GRM8: variants seen among roughly 807,000 people sequenced by gnomAD.
GRM8 encodes glutamate metabotropic receptor 8.
GRM8 carries 47 observed loss-of-function variants against 87.2 expected under a neutral mutation model. The ratio of observed to expected loss-of-function variants is 0.54; its 90% confidence interval spans 0.43 to 0.69. The LOEUF (loss-of-function observed/expected upper bound fraction) is 0.69, where lower values mean the gene tolerates loss of function less well. Ranked by LOEUF, GRM8 falls within the 30% of genes least tolerant of loss-of-function variation. The probability of loss-of-function intolerance (pLI) is 0.00; values close to 1 mark genes in which losing one functional copy is unlikely to be tolerated. For synonymous variants in GRM8, 396 were observed against 404.5 expected (o/e 0.98, Z 0.25); for missense variants, 1,019 against 1,139.2 (o/e 0.89, Z 1.52).
rs1807615919 is a variant in GRM8, at chr7:126,681,738, A to T, written c.1358-72240T>A. On this transcript the variant is annotated intron_variant, in intron 7 of 10. Coordinates refer to ENST00000339582, the MANE Select transcript of GRM8 (RefSeq NM_000845.3). ...GCTTTAAGAGGCAGACACAAGAAGG[A>T]TCCTTTTCAGTTGATAAATTCAAGA... Among the ~76,000 whole-genome samples, 3 of 152,342 alleles carry T rather than the reference A, an allele frequency of 2.0e-5. No individual in the cohort carries two copies. The South Asian group carries it at 6.2e-4, about 32-fold the overall frequency.
intron 8 of GRM8, among the ~76,000 whole-genome samples, chr7:126,585,907 G>A (rs192718233): frequency 1.3e-3 from 199 of 152,266 alleles, no homozygotes; most frequent in Middle Eastern, 3.4e-3. Flanking sequence ...GTTTGTAGAT[G>A]ACATGATTGT....
intron 2 of GRM8, among the ~76,000 whole-genome samples, chr7:127,222,620 A>G (rs1797009384): frequency 6.6e-6 from 1 of 152,212 alleles, no homozygotes; most frequent in South Asian, 2.1e-4. Context: ...TTTCTTTCAC[A>G]GCAGAGATCA....
intron 3 of GRM8, 49 bp from the exon 4 acceptor site, chr7:126,904,732 A>G (rs747640406): frequency 3.6e-5 from 56 of 1,561,034 alleles, no homozygotes; most frequent in Non-Finnish European, 4.8e-5. Flanking sequence ...CATTTATTTA[A>G]TTAGCAAACC....
intron 3 of GRM8, among the ~76,000 whole-genome samples, chr7:127,020,388 T>C (rs574464427): frequency 6.6e-6 from 1 of 152,138 alleles, no homozygotes; most frequent in African/African-American, 2.4e-5. Flanking sequence ...TTCACAGCTG[T>C]CCATCTCCCT....
intron 7 of GRM8, among the ~76,000 whole-genome samples, chr7:126,688,107 G>T (rs1355000156): frequency 6.6e-6 from 1 of 152,124 alleles, no homozygotes; most frequent in East Asian, 1.9e-4. Flanking sequence ...CTGTCTGAAT[G>T]CCCATAAAAT....
chr7:127,238,725 C>A (rs1798126248), intron 2 of GRM8, among the ~76,000 whole-genome samples: 1 of 152,200 alleles, frequency 6.6e-6, no homozygotes, highest in Non-Finnish European at 1.5e-5. Context: ...TAAAGAGGCC[C>A]ATTTTTTTCA....
At chr7:126,482,338 T>TCC (rs1232002092) in intron 9 of GRM8, among the ~76,000 whole-genome samples, 2 of 152,020 alleles carry the variant, frequency 1.3e-5, no homozygotes, top group Admixed American at 1.3e-4. Context: ...GTCTTGAGGA[T>TCC]ATATTTGTAT....
intron 7 of GRM8, among the ~76,000 whole-genome samples, chr7:126,749,590 A>C (rs1361296781): frequency 6.6e-6 from 1 of 150,570 alleles, no homozygotes; most frequent in Non-Finnish European, 1.5e-5. Context: ...TTAATTAATA[A>C]AGGTCTGATT....
chr7:126,767,041 G>T (rs150311428), intron 7 of GRM8, among the ~76,000 whole-genome samples: 108 of 152,252 alleles, frequency 7.1e-4, no homozygotes, highest in African/African-American at 2.5e-3. Flanking sequence ...CCAGTAAGCA[G>T]GACTAAGGAA....
At chr7:127,077,863 G>A (rs1360501277) in intron 3 of GRM8, among the ~76,000 whole-genome samples, 1 of 152,136 alleles carries the variant, frequency 6.6e-6, no homozygotes, top group African/African-American at 2.4e-5. Context: ...TCAACTGGAG[G>A]GGATTTTGTT....
chr7:127,195,226 T>G (rs1795222308), intron 2 of GRM8, among the ~76,000 whole-genome samples: 1 of 152,220 alleles, frequency 6.6e-6, no homozygotes, highest in African/African-American at 2.4e-5. Context: ...CTATTACTAT[T>G]TTAATGTAGA....
At chr7:126,877,479 A>G (rs892120227) in intron 6 of GRM8, among the ~76,000 whole-genome samples, 15 of 152,340 alleles carry the variant, frequency 9.8e-5, no homozygotes, top group Middle Eastern at 3.4e-3. Context: ...TGGCTACCAT[A>G]TTGGACAGAA....
chr7:126,637,577 GA>G (rs1185309968), intron 7 of GRM8, among the ~76,000 whole-genome samples: 2 of 152,148 alleles, frequency 1.3e-5, no homozygotes, highest in Non-Finnish European at 2.9e-5. Flanking sequence ...TTGCTCTGTT[GA>G]AAGATACTTA....
At chr7:127,037,826 C>T (rs1007700861) in intron 3 of GRM8, among the ~76,000 whole-genome samples, 9 of 132,620 alleles carry the variant, frequency 6.8e-5, no homozygotes, top group South Asian at 2.4e-4. Flanking sequence ...CACGTGCATG[C>T]GCATCCGTGT....
At chr7:127,133,131 T>C (rs1299254687) in intron 2 of GRM8, among the ~76,000 whole-genome samples, 1 of 150,836 alleles carries the variant, frequency 6.6e-6, no homozygotes, top group Non-Finnish European at 1.5e-5. Context: ...CATAAGACCC[T>C]GTCTCGGGCC....
chr7:126,795,174 A>T (rs1051023327), intron 6 of GRM8, among the ~76,000 whole-genome samples: 7 of 152,156 alleles, frequency 4.6e-5, no homozygotes. Context: ...TTTTTGAGTC[A>T]ACTGGACAGT....
intron 7 of GRM8, among the ~76,000 whole-genome samples, chr7:126,644,409 T>C (rs548545380): frequency 1.3e-5 from 2 of 152,204 alleles, no homozygotes; most frequent in Non-Finnish European, 2.9e-5. Context: ...TAAATATGTC[T>C]GATGCCGTGA....
At chr7:126,745,609 CT>C (rs1815569588) in intron 7 of GRM8, among the ~76,000 whole-genome samples, 1 of 151,488 alleles carries the variant, frequency 6.6e-6, no homozygotes, top group Non-Finnish European at 1.5e-5. Flanking sequence ...TTTTTTCCCC[CT>C]AATATTAACA....
intron 6 of GRM8, among the ~76,000 whole-genome samples, chr7:126,875,538 G>A (rs1171357216): frequency 1.5e-4 from 23 of 152,158 alleles, no homozygotes; most frequent in Admixed American, 1.5e-3. Context: ...ACAATTATAT[G>A]TTCCCCATCA....
Sources: gnomAD v4.1 joint callset for allele counts (sites outside exome capture counted in the v4.1 genomes callset) on GRCh38, gnomAD v4.1.1 for gene constraint, MANE v1.5 for transcripts, NCBI Gene and HGNC (gene_info 2026-07-23, HGNC 2026-07-21) for gene names.